MCAM: variants seen among roughly 807,000 people sequenced by gnomAD.
MCAM encodes the protein cell surface glycoprotein MUC18.
In MCAM, 55 loss-of-function variants were observed where a neutral mutation model predicts 79.1. That is an observed-to-expected ratio of 0.70 (90% CI 0.56 to 0.87). The LOEUF is 0.87. Among genes scored for constraint, MCAM ranks in the 40% least tolerant of loss-of-function variants. The pLI, the probability that MCAM is intolerant of heterozygous loss-of-function variation, is 0.00. For synonymous variants in MCAM, 330 were observed against 339.8 expected, an observed-to-expected ratio of 0.97 and a Z score of 0.32; for missense variants, 745 against 839.8, an observed-to-expected ratio of 0.89 and a Z score of 1.40.
In MCAM at chr11:119,311,506, G is replaced by A; in HGVS notation, c.1407+24C>T. ...AAGCGCAGGCAGGGATTAGGAGAGT[G>A]TGGCAGATGAGACACCCGCTCACCG... On this transcript the variant is annotated intron_variant, in intron 11 of 15. Coordinates refer to ENST00000264036, the MANE Select transcript of MCAM (RefSeq NM_006500.3). This position sits in a 1 kb window ranked among gnomAD's most constrained non-coding sequence, Gnocchi z 4.4. 4.3e-6 allele frequency: 7 copies of A among 1,614,152 alleles called. No individual in the cohort carries two copies. The highest frequency in any genetic ancestry group is 5.9e-6 in the Non-Finnish European group (7 of 1,180,010).
In MCAM at chr11:119,312,865, T is replaced by C; in HGVS notation, c.644A>G (p.Glu215Gly). The part of the protein sequence containing the change: ...QSILKAQLVK[E>G]DKDAQFYCEL... ...ACAGTAAAACTGGGCATCTTTGTCTTCTTTAACCAGCTGTGCCTTCAGAAT... is the reference window on the plus strand; with the variant it reads ...ACAGTAAAACTGGGCATCTTTGTCTCCTTTAACCAGCTGTGCCTTCAGAAT... Residue 215 changes from glutamate to glycine, a missense_variant, in exon 6 of 16, where the codon GAA becomes GGA. Glu to Gly is a moderately conservative substitution (Grantham distance 98). Transcript: ENST00000264036. The surrounding 1 kb of genome is among the most constrained non-coding windows in gnomAD (Gnocchi z 4.9). The C allele has an allele frequency of 6.2e-7, 1 of 1,614,174 alleles. No homozygotes were observed. Among genetic ancestry groups the C allele is most frequent in the Non-Finnish European group, 8.5e-7 (1 of 1,180,032 alleles).
At position 119,316,843 on chromosome 11, in the gene MCAM, A is replaced by G; in HGVS notation, c.67+192T>C. ...CCGAGTGCTGCTCCCGGGATACTCT[A>G]GAATCCCGGCTGCAAACTGGCTGCA... On this transcript the variant is annotated intron_variant, in intron 1 of 15. Coordinates refer to ENST00000264036, the MANE Select transcript of MCAM (RefSeq NM_006500.3). This position sits in a 1 kb window ranked among gnomAD's most constrained non-coding sequence, Gnocchi z 4.8. 1 of 542,478 alleles carries G rather than the reference A, an allele frequency of 1.8e-6. No individual in the cohort carries two copies. The allele number at this position is 542,478 out of a possible 1,614,324, so 33.6% of individuals were successfully genotyped here.
intron 5 of MCAM, 74 bp downstream of exon 5, chr11:119,314,415 C>A: frequency 7.2e-7 from 1 of 1,387,994 alleles, no homozygotes; most frequent in South Asian, 1.2e-5. Context: ...CTTGGCCTCC[C>A]AAAGCACCGA....
chr11:119,316,631 A>C lies in MCAM; in HGVS notation c.67+404T>G. On this transcript the variant is annotated intron_variant, in intron 1 of 15. Coordinates refer to ENST00000264036, the MANE Select transcript of MCAM (RefSeq NM_006500.3). This position sits in a 1 kb window ranked among gnomAD's most constrained non-coding sequence, Gnocchi z 4.8. ...TCGGCGCACCCCCTCCAGCGAAGGA[A>C]GCTGCCTTTTCCAGCAACAGGCGGG... The C allele has an allele frequency of 5.9e-6, 1 of 168,668 alleles. No individual in the cohort carries two copies. Among genetic ancestry groups the C allele is most frequent in the Non-Finnish European group, 1.3e-5 (1 of 78,420 alleles). 10.4% of individuals were successfully genotyped at this position (168,668 alleles called of 1,614,324 possible). A position where few individuals can be genotyped will look rare whatever the true frequency, so the allele number is the denominator to read the frequency against.
Position 119,308,619 on chromosome 11 carries a change from T to C in MCAM, c.*1267A>G, listed in dbSNP as rs1950174982. 1 of 151,382 alleles carries C rather than the reference T, an allele frequency of 6.6e-6. No homozygotes were observed. Among genetic ancestry groups the C allele is most frequent in the South Asian group, 2.1e-4 (1 of 4,802 alleles). 9.4% of individuals were successfully genotyped at this position (151,382 alleles called of 1,614,324 possible). On this transcript the variant is annotated 3_prime_UTR_variant, in exon 16 of 16. Coordinates refer to ENST00000264036, the MANE Select transcript of MCAM (RefSeq NM_006500.3). ...TATATAAAGGAAACAATTTGCAAAT[T>C]TACACACCTGACAAAACCATATATA...
rs144003042 is a variant in MCAM, at chr11:119,309,278, G to A, written c.*608C>T. ...GAGCCACCACACCTGGCCCCGGCAC[G>A]TATCTTTTAAGGAATGACACCAGTT... On this transcript the variant is annotated 3_prime_UTR_variant, in exon 16 of 16. Transcript: ENST00000264036. 1.7e-3 allele frequency: 266 copies of A among 153,146 alleles called. No homozygotes were observed. Among genetic ancestry groups the A allele is most frequent in the South Asian group, 4.7e-3 (23 of 4,878 alleles). 9.5% of individuals were successfully genotyped at this position (153,146 alleles called of 1,614,324 possible).
intron 15 of MCAM, chr11:119,310,120 C>A: frequency 3.2e-6 from 2 of 626,032 alleles, no homozygotes; most frequent in Non-Finnish European, 5.7e-6. Flanking sequence ...CCCAGAGCCA[C>A]GGGCATTGGT....
In MCAM at chr11:119,309,762, G is replaced by C; in HGVS notation, c.*124C>G. Reference sequence around the variant, plus strand: ...TCCTAACCCAGTGGCCCTCTGAAAGGGGGTGTGCAGGCGAGGGGAGCAGGA... The same window carrying C: ...TCCTAACCCAGTGGCCCTCTGAAAGCGGGTGTGCAGGCGAGGGGAGCAGGA... On this transcript the variant is annotated 3_prime_UTR_variant, in exon 16 of 16. Coordinates refer to ENST00000264036, the MANE Select transcript of MCAM (RefSeq NM_006500.3). 1 of 1,008,130 alleles carries C rather than the reference G, an allele frequency of 9.9e-7. No individual in the cohort carries two copies. The allele number at this position is 1,008,130 out of a possible 1,614,324, so 62.4% of individuals were successfully genotyped here.
chr11:119,311,505 T>A lies in MCAM; in HGVS notation c.1407+25A>T, dbSNP rs755503423. The stretch of plus-strand genomic sequence containing the variant: ...AAAGCGCAGGCAGGGATTAGGAGAG[T>A]GTGGCAGATGAGACACCCGCTCACC... On this transcript the variant is annotated intron_variant, in intron 11 of 15. Coordinates refer to ENST00000264036, the MANE Select transcript of MCAM (RefSeq NM_006500.3). This position sits in a 1 kb window ranked among gnomAD's most constrained non-coding sequence, Gnocchi z 4.4. 16 of 1,613,598 alleles carry A rather than the reference T, an allele frequency of 9.9e-6. No homozygotes were observed. Among genetic ancestry groups the A allele is most frequent in the Non-Finnish European group, 1.4e-5 (16 of 1,179,922 alleles).
Position 119,309,676 on chromosome 11 carries a change from GAGA to G in MCAM, c.*207_*209del. ...GGGATGAGCTTCACTCAACGTGGAG[GAGA>G]TGGTGGTGGACTGGTCCCTGAAAAG... On this transcript the variant is annotated 3_prime_UTR_variant, in exon 16 of 16. Coordinates refer to ENST00000264036, the MANE Select transcript of MCAM (RefSeq NM_006500.3). The G allele has an allele frequency of 1.8e-6, 1 of 552,390 alleles. No individual in the cohort carries two copies. The allele number at this position is 552,390 out of a possible 1,614,324, so 34.2% of individuals were successfully genotyped here.
At position 119,310,757 on chromosome 11, in the gene MCAM, TCTC is replaced by T. The variant is rs1950220082; in HGVS notation, c.1789_1791del (p.Glu597del). The T allele has an allele frequency of 5.6e-6, 9 of 1,613,772 alleles. No individual in the cohort carries two copies. Among genetic ancestry groups the T allele is most frequent in the South Asian group, 2.2e-5 (2 of 91,076 alleles). On this transcript the variant is annotated inframe_deletion and splice_region_variant, in exon 14 of 16. Coordinates refer to ENST00000264036, the MANE Select transcript of MCAM (RefSeq NM_006500.3). ...CGGAGGGGCCGGTGTTGGGCTTACA[TCTC>T]CTGCTTCCCTGAGCGCCTGCACGGC...
At chr11:119,314,446 A>G (rs954288464) in intron 5 of MCAM, 43 bp downstream of exon 5, 1 of 1,560,684 alleles carries the variant, frequency 6.4e-7, no homozygotes, top group Non-Finnish European at 8.8e-7. Flanking sequence ...GTGAGCTACC[A>G]CACCTGGCCC....
In MCAM at chr11:119,312,805, ATGTGGTTCCC is replaced by A; in HGVS notation, c.694_703del (p.Gly232Ter). On this transcript the variant is annotated frameshift_variant, in exon 6 of 16. Transcript: ENST00000264036. LOFTEE classifies it high-confidence loss of function. This position sits in a 1 kb window ranked among gnomAD's most constrained non-coding sequence, Gnocchi z 4.9. ...GACGGTGACTTCCCTGGACTCCTTC[ATGTGGTTCCC>A]ACTGGGCAGCCGGTAGTTGAGCTCA... 6.2e-7 allele frequency: 1 copy of A among 1,614,184 alleles called. No individual in the cohort carries two copies. The highest frequency in any genetic ancestry group is 1.3e-5 in the African/African-American group (1 of 75,050).
chr11:119,311,952 G>A lies in MCAM; in HGVS notation c.1144-3C>T, dbSNP rs1243158268. On this transcript the variant is annotated splice_region_variant and splice_polypyrimidine_tract_variant and intron_variant, in intron 9 of 15. Coordinates refer to ENST00000264036, the MANE Select transcript of MCAM (RefSeq NM_006500.3). This position sits in a 1 kb window ranked among gnomAD's most constrained non-coding sequence, Gnocchi z 4.4. ...CCCCTTTCCAGCACCTGGCCTGTCT[G>A]GGATGAGAGATGGGTCAGAGGGTCT... 2 of 1,613,372 alleles carry A rather than the reference G, an allele frequency of 1.2e-6. No individual in the cohort carries two copies. Among genetic ancestry groups the A allele is most frequent in the African/African-American group, 1.3e-5 (1 of 74,910 alleles).
In MCAM at chr11:119,309,473, C is replaced by T. The variant is rs995263712; in HGVS notation, c.*413G>A. 1 of 248,472 alleles carries T rather than the reference C, an allele frequency of 4.0e-6. No homozygotes were observed. Among genetic ancestry groups the T allele is most frequent in the African/African-American group, 2.2e-5 (1 of 45,180 alleles). 15.4% of individuals were successfully genotyped at this position (248,472 alleles called of 1,614,324 possible). On this transcript the variant is annotated 3_prime_UTR_variant, in exon 16 of 16. Coordinates refer to ENST00000264036, the MANE Select transcript of MCAM (RefSeq NM_006500.3). ...GGCGCCTGGCTCCGGTGTGTCCTCA[C>T]TTCAGTGGTGCACCTGGATGGTGGA...
At chr11:119,313,118 T>C in intron 5 of MCAM, 169 bp from the exon 6 acceptor site, 1 of 1,535,042 alleles carries the variant, frequency 6.5e-7, no homozygotes, top group Non-Finnish European at 8.7e-7. Context: ...CTTTTACTGC[T>C]CAGTGTCAAC....
chr11:119,312,710 G>A lies in MCAM; in HGVS notation c.739+60C>T. Reference sequence around the variant, plus strand: ...TCAACCCTGGGCTGGATAAGGGGGAGCCAGCAGGAGTTTCCAGCAGCCCCA... The same window carrying A: ...TCAACCCTGGGCTGGATAAGGGGGAACCAGCAGGAGTTTCCAGCAGCCCCA... On this transcript the variant is annotated intron_variant, in intron 6 of 15. Coordinates refer to ENST00000264036, the MANE Select transcript of MCAM (RefSeq NM_006500.3). The surrounding 1 kb of genome is among the most constrained non-coding windows in gnomAD (Gnocchi z 4.9). 1 of 1,613,396 alleles carries A rather than the reference G, an allele frequency of 6.2e-7. No individual in the cohort carries two copies. The highest frequency in any genetic ancestry group is 8.5e-7 in the Non-Finnish European group (1 of 1,179,444).
chr11:119,314,765 A>G lies in MCAM; in HGVS notation c.401-16T>C. On this transcript the variant is annotated splice_polypyrimidine_tract_variant and intron_variant, in intron 3 of 15. Coordinates refer to ENST00000264036, the MANE Select transcript of MCAM (RefSeq NM_006500.3). ...TCCGGAGCTTCTACAAGAAAATAGAAATGAGGGGGACATCTGGCCACGTCC... is the reference window on the plus strand; with the variant it reads ...TCCGGAGCTTCTACAAGAAAATAGAGATGAGGGGGACATCTGGCCACGTCC... 1 of 1,613,528 alleles carries G rather than the reference A, an allele frequency of 6.2e-7. No homozygotes were observed. Among genetic ancestry groups the G allele is most frequent in the Non-Finnish European group, 8.5e-7 (1 of 1,179,804 alleles).
At position 119,314,731 on chromosome 11, in the gene MCAM, T is replaced by C; in HGVS notation, c.419A>G (p.Asn140Ser). ...GATGCCCAGGGGGTTGACCTGGATG[T>C]TTGGCTCCTCCGGAGCTTCTACAAG... is the stretch of plus-strand genomic sequence containing the variant. ...LRVYKAPEEP[N>S]IQVNPLGIPV... is the part of the protein sequence containing the mutation. Residue 140 changes from asparagine (N) to serine (S), a missense_variant, in exon 4 of 16, where the codon AAC (asparagine) becomes AGC (serine). By Grantham distance (46) the Asn-to-Ser change is conservative. Transcript: ENST00000264036. The C allele has an allele frequency of 1.2e-6, 2 of 1,613,882 alleles. No homozygotes were observed. Among genetic ancestry groups the C allele is most frequent in the Non-Finnish European group, 1.7e-6 (2 of 1,179,952 alleles).
Sources: allele counts gnomAD v4.1 joint callset, GRCh38; gene constraint gnomAD v4.1.1; non-coding constraint Gnocchi (gnomAD v3.1); transcripts MANE v1.5; gene names NCBI Gene and HGNC (gene_info 2026-07-23, HGNC 2026-07-21).